Variants in REEP3 observed in about 807,000 individuals in gnomAD.
The protein encoded by REEP3 is receptor expression-enhancing protein 3.
In REEP3, 20 loss-of-function variants were observed where a neutral mutation model predicts 41.3. The observed-to-expected ratio is 0.48, with a 90% CI of 0.34 to 0.70. The LOEUF (loss-of-function observed/expected upper bound fraction) is 0.70, where lower values mean the gene tolerates loss of function less well. Ranked by LOEUF, REEP3 falls within the 30% of genes least tolerant of loss-of-function variation. The pLI, the probability that REEP3 is intolerant of heterozygous loss-of-function variation, is 0.01. For missense variants in REEP3, 271 were observed against 308.8 expected (o/e 0.88, Z 0.92); for synonymous variants, 104 against 101.8 (o/e 1.02, Z -0.13).
At chr10:63,595,419 C>T (rs1956104628) in intron 3 of REEP3, among the ~76,000 whole-genome samples, 1 of 152,150 alleles carries the variant, frequency 6.6e-6, no homozygotes, top group South Asian at 2.1e-4. Context: ...CTCAAATCTC[C>T]CTGTGGTGTA....
chr10:63,620,669 T>C, intron 7 of REEP3, 144 bp from the exon 8 acceptor site: 1 of 502,152 alleles, frequency 2.0e-6, no homozygotes, highest in Non-Finnish European at 3.5e-6. Context: ...TTATAAGTAG[T>C]GCTGTCTTAT....
chr10:63,558,290 G>A (rs1955709044), intron 1 of REEP3, among the ~76,000 whole-genome samples: 2 of 152,206 alleles, frequency 1.3e-5, no homozygotes, highest in Admixed American at 1.3e-4. Flanking sequence ...ATGGTGCTGT[G>A]TTGACAAGAA....
At chr10:63,606,065 CT>C in intron 5 of REEP3, 1 of 866,466 alleles carries the variant, frequency 1.2e-6, no homozygotes, top group Non-Finnish European at 1.4e-6. Context: ...ATTACCTGGA[CT>C]TTTACATTCT....
At chr10:63,555,355 C>A (rs1170127220) in intron 1 of REEP3, among the ~76,000 whole-genome samples, 1 of 152,108 alleles carries the variant, frequency 6.6e-6, no homozygotes, top group African/African-American at 2.4e-5. Context: ...AATGGGAATT[C>A]TCTACTGACA....
intron 6 of REEP3, among the ~76,000 whole-genome samples, chr10:63,618,304 G>A (rs1227517201): frequency 7.3e-6 from 1 of 137,298 alleles, no homozygotes; most frequent in Non-Finnish European, 1.5e-5. Context: ...GGAGTGCAGT[G>A]GCGCGATCTC....
chr10:63,521,715 G>C (rs1248323514), intron 1 of REEP3, 138 bp downstream of exon 1: 2 of 476,554 alleles, frequency 4.2e-6, no homozygotes, highest in African/African-American at 2.0e-5. Context: ...CCGAGGGTCT[G>C]GGGGAGCCCT....
chr10:63,570,022 GTTAATA>G (rs1291037319), intron 2 of REEP3, among the ~76,000 whole-genome samples: 2 of 151,916 alleles, frequency 1.3e-5, no homozygotes, highest in African/African-American at 4.8e-5. Flanking sequence ...ATTCAATTTT[GTTAATA>G]TTAATTTTTA....
intron 1 of REEP3, among the ~76,000 whole-genome samples, chr10:63,556,629 G>GT (rs1564477633): frequency 0.023 from 311 of 13,368 alleles, 11 homozygotes; most frequent in African/African-American, 0.054. Context: ...TTTTTTTGTT[G>GT]TTTTGTTTTT....
At chr10:63,533,097 A>C (rs1174414839) in intron 1 of REEP3, among the ~76,000 whole-genome samples, 1 of 152,218 alleles carries the variant, frequency 6.6e-6, no homozygotes, top group African/African-American at 2.4e-5. Context: ...AACTGCCAAC[A>C]TCATGAGTGC....
intron 1 of REEP3, among the ~76,000 whole-genome samples, chr10:63,543,564 C>A (rs533387328): frequency 1.3e-5 from 2 of 151,050 alleles, no homozygotes; most frequent in Non-Finnish European, 2.9e-5. Context: ...TTGTCCATTT[C>A]TTTTGTCACA....
chr10:63,604,971 A>C (rs11818738), intron 5 of REEP3, among the ~76,000 whole-genome samples: 19,506 of 152,194 alleles, frequency 0.13, 1,387 homozygotes, highest in East Asian at 0.29. Context: ...GGGACATTTT[A>C]GGTTGTCACC....
chr10:63,561,542 A>T (rs1038937079), intron 1 of REEP3, among the ~76,000 whole-genome samples: 1 of 152,228 alleles, frequency 6.6e-6, no homozygotes, highest in African/African-American at 2.4e-5. Flanking sequence ...TTATGTTCTG[A>T]TGCCACCCCC....
At chr10:63,603,646 C>T (rs1333035866) in intron 5 of REEP3, among the ~76,000 whole-genome samples, 1 of 152,080 alleles carries the variant, frequency 6.6e-6, no homozygotes, top group African/African-American at 2.4e-5. Flanking sequence ...GGAACTGTTC[C>T]CATTTGTTTG....
intron 5 of REEP3, among the ~76,000 whole-genome samples, chr10:63,601,021 G>A (rs1956167396): frequency 6.6e-6 from 1 of 151,952 alleles, no homozygotes; most frequent in Admixed American, 6.6e-5. Context: ...GGCGTGGTGG[G>A]GGGGCGCCTG....
Position 63,521,541 on chromosome 10 carries a change from T to A in REEP3, c.-5T>A, listed in dbSNP as rs998893948. 3.6e-5 allele frequency: 50 copies of A among 1,374,476 alleles called. No individual in the cohort carries two copies. The highest frequency in any genetic ancestry group is 4.6e-5 in the Non-Finnish European group (48 of 1,046,194). The allele number at this position is 1,374,476 out of a possible 1,614,324, so 85.1% of individuals were successfully genotyped here. A position where few individuals can be genotyped will look rare whatever the true frequency, so the allele number is the denominator to read the frequency against. On this transcript the variant is annotated 5_prime_UTR_variant, in exon 1 of 8. Transcript: ENST00000373758. ...CCCGGACGTGGGGCCCAAGCCCCCGTGAAGATGGTGTCCTGGATGATCTCC... is the reference window on the plus strand; with the variant it reads ...CCCGGACGTGGGGCCCAAGCCCCCGAGAAGATGGTGTCCTGGATGATCTCC...
intron 2 of REEP3, among the ~76,000 whole-genome samples, chr10:63,590,667 G>A (rs893005439): frequency 1.3e-5 from 2 of 152,152 alleles, no homozygotes; most frequent in African/African-American, 4.8e-5. Flanking sequence ...GGTTGAAATT[G>A]TGCACCACTG....
intron 1 of REEP3, among the ~76,000 whole-genome samples, chr10:63,550,250 TC>T (rs1955616100): frequency 6.6e-6 from 1 of 152,200 alleles, no homozygotes; most frequent in Non-Finnish European, 1.5e-5. Context: ...CAAAGCCCCA[TC>T]CAGTGATAGA....
chr10:63,521,587 T>C lies in REEP3; in HGVS notation c.32+10T>C. 2.1e-6 allele frequency: 3 copies of C among 1,404,498 alleles called. No homozygotes were observed. Among genetic ancestry groups the C allele is most frequent in the South Asian group, 1.5e-5 (1 of 65,588 alleles). The allele number at this position is 1,404,498 out of a possible 1,614,324, so 87.0% of individuals were successfully genotyped here. On this transcript the variant is annotated intron_variant, in intron 1 of 7. Transcript: ENST00000373758. ...TCTCCAGAGCCGTGGTGTAAGTGCC[T>C]CTCACTGCGCCCTGCAGCCGGCGCG...
chr10:63,623,838 A>G lies in REEP3; in HGVS notation c.*2969A>G, dbSNP rs73288124. 3,943 of 154,000 alleles carry G rather than the reference A, an allele frequency of 0.026. 173 individuals are homozygous for G. Among genetic ancestry groups the G allele is most frequent in the African/African-American group, 0.09 (3,725 of 41,394 alleles). The allele number at this position is 154,000 out of a possible 1,614,324, so 9.5% of individuals were successfully genotyped here. Reference sequence around the variant, plus strand: ...TTATACTGCCAAAATTACTGATTATAAATACTTGACTACACTGATTGATGG... The same window carrying G: ...TTATACTGCCAAAATTACTGATTATGAATACTTGACTACACTGATTGATGG... On this transcript the variant is annotated 3_prime_UTR_variant, in exon 8 of 8. Transcript: ENST00000373758.
Sources: allele counts gnomAD v4.1 joint callset (sites outside exome capture counted in the v4.1 genomes callset), GRCh38; gene constraint gnomAD v4.1.1; transcripts MANE v1.5; gene names NCBI Gene and HGNC (gene_info 2026-07-23, HGNC 2026-07-21).